Variants in CARD8 observed in about 807,000 individuals in gnomAD.
CARD8 encodes the protein caspase recruitment domain-containing protein 8.
A neutral mutation model predicts 53.2 loss-of-function variants in CARD8; 38 were observed. That is an observed-to-expected ratio of 0.71 (90% CI 0.55 to 0.94). The LOEUF (loss-of-function observed/expected upper bound fraction) is 0.94, where lower values mean the gene tolerates loss of function less well. Among genes scored for constraint, CARD8 ranks in the 40% least tolerant of loss-of-function variants. CARD8 has a pLI of 0.00. For missense variants in CARD8, 561 were observed against 655.5 expected (o/e 0.86, Z 1.57); for synonymous variants, 245 against 244.9 (o/e 1.00, Z 0.00).
intron 5 of CARD8, among the ~76,000 whole-genome samples, chr19:48,237,651 G>C (rs1186105306): frequency 6.6e-6 from 1 of 151,720 alleles, no homozygotes; most frequent in Non-Finnish European, 1.5e-5. Flanking sequence ...ACAAAAATTA[G>C]CCAGGTGTGG....
chr19:48,231,477 G>A (rs908210616), intron 8 of CARD8, among the ~76,000 whole-genome samples, 183 bp downstream of exon 8: 1 of 151,794 alleles, frequency 6.6e-6, no homozygotes, highest in Non-Finnish European at 1.5e-5. Flanking sequence ...ACTAATTTTT[G>A]TATTTTTAGT....
rs182686910 is a variant in CARD8 at position 48,235,760 on chromosome 19, A to C, written c.210-1217T>G. ...CAACAGTGAACACTTCCATCAGCTGAATATCTGTGAAAGCAATTGTTGAGA... is the reference window on the plus strand; with the variant it reads ...CAACAGTGAACACTTCCATCAGCTGCATATCTGTGAAAGCAATTGTTGAGA... On this transcript the variant is annotated intron_variant, in intron 5 of 13. Coordinates refer to ENST00000651546, the MANE Select transcript of CARD8 (RefSeq NM_001184900.3). Among the ~76,000 whole-genome samples, 3 of 152,324 alleles carry C rather than the reference A, an allele frequency of 2.0e-5. No homozygotes were observed. The East Asian group carries it at 5.8e-4, about 29-fold the overall frequency.
chr19:48,230,310 T>C (rs1462511929), intron 10 of CARD8, 128 bp downstream of exon 10: 2 of 1,014,374 alleles, frequency 2.0e-6, no homozygotes, highest in Non-Finnish European at 2.9e-6. Flanking sequence ...TCAGGAAGGG[T>C]GACTCCTGCT....
intron 3 of CARD8, among the ~76,000 whole-genome samples, chr19:48,248,791 A>C (rs908055069): frequency 2.0e-4 from 31 of 152,248 alleles, no homozygotes; most frequent in African/African-American, 7.5e-4. Context: ...AACAAACTGA[A>C]TGTCCATCAT....
intron 13 of CARD8, among the ~76,000 whole-genome samples, chr19:48,213,960 T>C (rs900852926): frequency 7.9e-5 from 12 of 152,218 alleles, no homozygotes; most frequent in Non-Finnish European, 1.5e-4. Context: ...ATCCTTCTCA[T>C]GTCACCTTTA....
At chr19:48,223,158 G>A (rs1439302246) in intron 10 of CARD8, among the ~76,000 whole-genome samples, 2 of 152,028 alleles carry the variant, frequency 1.3e-5, no homozygotes, top group Admixed American at 1.3e-4. Flanking sequence ...ACAAAAATTA[G>A]CTGGGCGTGG....
At chr19:48,241,445 A>G (rs1363030474) in intron 3 of CARD8, among the ~76,000 whole-genome samples, 3 of 152,272 alleles carry the variant, frequency 2.0e-5, no homozygotes, top group East Asian at 1.9e-4. Flanking sequence ...TAGTATAGAC[A>G]GGGTTTCTCC....
chr19:48,218,813 G>A (rs570692076), intron 12 of CARD8, 58 bp downstream of exon 12: 21 of 1,551,344 alleles, frequency 1.4e-5, no homozygotes, highest in South Asian at 5.7e-5. Context: ...TGAAATCCAA[G>A]GATAGAGGTA....
At chr19:48,223,522 C>T (rs555080000) in intron 10 of CARD8, among the ~76,000 whole-genome samples, 44 of 152,156 alleles carry the variant, frequency 2.9e-4, no homozygotes, top group African/African-American at 6.7e-4. Context: ...AACCAGTTTC[C>T]GAAGGGTCAA....
rs745564007 is a variant in CARD8, at chr19:48,230,854, C to T, written c.695G>A (p.Gly232Asp). Residue 232 changes from glycine to aspartate, a missense_variant, in exon 9 of 14, where the codon GGC (glycine) becomes GAC (aspartate). Gly to Asp is a moderately conservative substitution (Grantham distance 94, BLOSUM62 -1). Transcript: ENST00000651546. Reference sequence around the variant, plus strand: ...CTCTGCAGTGACATCAAACAAGGGGCCGCCCACCAGCCACTGTTCATGGTG... The same window carrying T: ...CTCTGCAGTGACATCAAACAAGGGGTCGCCCACCAGCCACTGTTCATGGTG... ...LQHHEQWLVG[G>D]PLFDVTAEPE... is the part of the protein sequence containing the mutation. 1.2e-6 allele frequency: 2 copies of T among 1,614,132 alleles called. No individual in the cohort carries two copies. The highest frequency in any genetic ancestry group is 1.1e-5 in the South Asian group (1 of 91,084).
chr19:48,224,510 C>T (rs554520334), intron 10 of CARD8, among the ~76,000 whole-genome samples: 75 of 152,158 alleles, frequency 4.9e-4, no homozygotes, highest in African/African-American at 1.6e-3. Context: ...ATGCTATTGC[C>T]GGCCATTCAA....
At chr19:48,245,553 A>T (rs1245465377) in intron 3 of CARD8, among the ~76,000 whole-genome samples, 1 of 152,094 alleles carries the variant, frequency 6.6e-6, no homozygotes, top group Non-Finnish European at 1.5e-5. Context: ...TTCTTAATAT[A>T]ACAGACTATC....
intron 3 of CARD8, among the ~76,000 whole-genome samples, chr19:48,241,530 C>G (rs1600611343): frequency 6.6e-6 from 1 of 152,338 alleles, no homozygotes; most frequent in East Asian, 1.9e-4. Context: ...TGCCGGATTG[C>G]AGGCGTGAGC....
intron 10 of CARD8, among the ~76,000 whole-genome samples, chr19:48,228,779 G>A (rs1480824374): frequency 6.6e-6 from 1 of 152,080 alleles, no homozygotes; most frequent in East Asian, 1.9e-4. Context: ...TGCCTCGGGT[G>A]TGGCTCCCAC....
At chr19:48,226,109 A>G (rs2041740395) in intron 10 of CARD8, among the ~76,000 whole-genome samples, 1 of 151,366 alleles carries the variant, frequency 6.6e-6, no homozygotes, top group Non-Finnish European at 1.5e-5. Context: ...TATTTGATTC[A>G]TGTTCTAAGT....
chr19:48,223,928 A>G, intron 10 of CARD8: 1 of 455,290 alleles, frequency 2.2e-6, no homozygotes, highest in Non-Finnish European at 4.4e-6. Context: ...TTTCCCTGGA[A>G]CAGTACTGTT....
intron 11 of CARD8, 121 bp from the exon 12 acceptor site, chr19:48,219,133 G>GA: frequency 1.2e-6 from 1 of 814,318 alleles, no homozygotes; most frequent in Non-Finnish European, 2.0e-6. Context: ...GGTTGAGTGG[G>GA]AAACAGAGGG....
intron 3 of CARD8, among the ~76,000 whole-genome samples, chr19:48,246,787 C>T (rs2046192986): frequency 6.6e-6 from 1 of 152,068 alleles, no homozygotes; most frequent in Non-Finnish European, 1.5e-5. Context: ...GGAAATCATG[C>T]GAAAGTCTGA....
chr19:48,214,494 T>G (rs933641635), intron 13 of CARD8, among the ~76,000 whole-genome samples: 2 of 152,088 alleles, frequency 1.3e-5, no homozygotes, highest in Non-Finnish European at 2.9e-5. Flanking sequence ...CTTACGGAGG[T>G]TGAGCTGGTA....
Sources: gnomAD v4.1 joint callset for allele counts (sites outside exome capture counted in the v4.1 genomes callset) on GRCh38, gnomAD v4.1.1 for gene constraint, MANE v1.5 for transcripts, NCBI Gene and HGNC (gene_info 2026-07-23, HGNC 2026-07-21) for gene names.